PAK1: variants seen among roughly 807,000 people sequenced by gnomAD.
The protein encoded by PAK1 is serine/threonine-protein kinase PAK 1.
PAK1 carries 29 observed loss-of-function variants against 67.4 expected under a neutral mutation model. The observed-to-expected ratio is 0.43, with a 90% CI of 0.32 to 0.59. PAK1 has a LOEUF of 0.59. Ranked by LOEUF, PAK1 falls within the 20% of genes least tolerant of loss-of-function variation. The pLI, the probability that PAK1 is intolerant of heterozygous loss-of-function variation, is 0.07. For missense variants in PAK1, 337 were observed against 670.7 expected (o/e 0.50, Z 5.50); for synonymous variants, 223 against 237.4 (o/e 0.94, Z 0.56).
chr11:77,327,662 A>C (rs1315759416), intron 14 of PAK1, among the ~76,000 whole-genome samples: 1 of 152,232 alleles, frequency 6.6e-6, no homozygotes, highest in African/African-American at 2.4e-5. Flanking sequence ...AACAACCAGT[A>C]CCAGCCACTG....
the PAK1 span, among the ~76,000 whole-genome samples, chr11:77,499,816 C>T: frequency 2.0e-5 from 3 of 152,186 alleles, no homozygotes; most frequent in African/African-American, 7.2e-5. Context: ...CACACATACA[C>T]ACACAGAGCA....
chr11:77,519,479 G>A, the PAK1 span, among the ~76,000 whole-genome samples: 1 of 152,240 alleles, frequency 6.6e-6, no homozygotes, highest in South Asian at 2.1e-4. Flanking sequence ...GGCATCTCAA[G>A]AGGTACATAC....
At chr11:77,414,298 C>T (rs939409533) in intron 1 of PAK1, among the ~76,000 whole-genome samples, 4 of 152,066 alleles carry the variant, frequency 2.6e-5, no homozygotes, top group African/African-American at 9.7e-5. Flanking sequence ...GTGAACAGAA[C>T]CACATCTTCA....
At chr11:77,401,544 A>C (rs1952687408) in intron 1 of PAK1, among the ~76,000 whole-genome samples, 1 of 152,178 alleles carries the variant, frequency 6.6e-6, no homozygotes, top group Non-Finnish European at 1.5e-5. Flanking sequence ...TGTTCAACAA[A>C]TATTTGTTCT....
intron 2 of PAK1, among the ~76,000 whole-genome samples, chr11:77,382,072 T>A (rs1413808387): frequency 6.6e-6 from 1 of 152,226 alleles, no homozygotes; most frequent in African/African-American, 2.4e-5. Context: ...AGTACAATTA[T>A]ATTTGTGTTT....
intron 1 of PAK1, among the ~76,000 whole-genome samples, chr11:77,462,769 T>C (rs1431947813): frequency 6.6e-6 from 1 of 150,732 alleles, no homozygotes; most frequent in African/African-American, 2.4e-5. Context: ...AAGGAAGAGG[T>C]TGCAGTGAGC....
chr11:77,340,556 C>T (rs1195558626), intron 11 of PAK1, 90 bp downstream of exon 11: 1 of 758,936 alleles, frequency 1.3e-6, no homozygotes, highest in Non-Finnish European at 2.5e-6. Context: ...TCCACAGAGC[C>T]CAGGCTGAGA....
chr11:77,480,777 G>C, the PAK1 span, among the ~76,000 whole-genome samples: 50,918 of 151,958 alleles, frequency 0.34, 8,781 homozygotes, highest in Admixed American at 0.46. Flanking sequence ...ACCTGCCTCA[G>C]CCTCCCAAAG....
At chr11:77,386,512 T>G (rs1245586039) in intron 2 of PAK1, among the ~76,000 whole-genome samples, 1 of 152,144 alleles carries the variant, frequency 6.6e-6, no homozygotes, top group Non-Finnish European at 1.5e-5. Context: ...CAGCATCACC[T>G]ATTACAGGCC....
intron 1 of PAK1, among the ~76,000 whole-genome samples, chr11:77,394,429 C>A (rs886166539): frequency 6.6e-6 from 1 of 151,600 alleles, no homozygotes; most frequent in African/African-American, 2.4e-5. Context: ...TGAATAAAAT[C>A]TATAGGAGTT....
upstream of PAK1, chr11:77,476,754 G>A (rs1481924034): frequency 1.3e-5 from 2 of 152,244 alleles, no homozygotes; most frequent in Non-Finnish European, 2.9e-5. Context: ...GGAGGCCGAG[G>A]CGGGTGTATC....
At chr11:77,490,235 G>T in the PAK1 span, among the ~76,000 whole-genome samples, 2 of 151,982 alleles carry the variant, frequency 1.3e-5, no homozygotes, top group African/African-American at 2.4e-5. Context: ...TGTCTGGGAA[G>T]TGAGGAGCGT....
chr11:77,493,943 C>T, the PAK1 span, among the ~76,000 whole-genome samples: 2 of 152,240 alleles, frequency 1.3e-5, no homozygotes, highest in Middle Eastern at 3.4e-3. Context: ...AGAATATTCA[C>T]TCAACAAACA....
At chr11:77,375,873 T>C (rs1949021225) in intron 4 of PAK1, among the ~76,000 whole-genome samples, 1 of 152,098 alleles carries the variant, frequency 6.6e-6, no homozygotes, top group African/African-American at 2.4e-5. Context: ...GAATGTACAA[T>C]TCCAATTCCA....
chr11:77,346,393 A>G (rs1944428513), intron 9 of PAK1, among the ~76,000 whole-genome samples: 3 of 152,200 alleles, frequency 2.0e-5, no homozygotes, highest in Admixed American at 2.0e-4. Flanking sequence ...TTGAACTCTG[A>G]GGACTTAAGC....
At chr11:77,494,846 C>A in the PAK1 span, among the ~76,000 whole-genome samples, 1 of 151,936 alleles carries the variant, frequency 6.6e-6, no homozygotes, top group Admixed American at 6.6e-5. Flanking sequence ...ATAGTGAGAC[C>A]CCCATCTATA....
At chr11:77,355,387 A>C (rs1945872287) in intron 7 of PAK1, among the ~76,000 whole-genome samples, 1 of 152,146 alleles carries the variant, frequency 6.6e-6, no homozygotes, top group Non-Finnish European at 1.5e-5. Context: ...CATTAGAGAA[A>C]AACTATTTGT....
At chr11:77,425,234 A>T (rs893741742) in intron 1 of PAK1, among the ~76,000 whole-genome samples, 3 of 150,684 alleles carry the variant, frequency 2.0e-5, no homozygotes, top group Non-Finnish European at 3.0e-5. Flanking sequence ...CATTTTAAGG[A>T]CTCCTGGATT....
chr11:77,456,803 G>A (rs1447736141), intron 1 of PAK1, among the ~76,000 whole-genome samples: 3 of 151,570 alleles, frequency 2.0e-5, no homozygotes, highest in African/African-American at 4.9e-5. Flanking sequence ...GTGCAGTGGC[G>A]TAATCTCAGC....
Sources: allele counts gnomAD v4.1 joint callset (sites outside exome capture counted in the v4.1 genomes callset), GRCh38; gene constraint gnomAD v4.1.1; transcripts MANE v1.5; gene names NCBI Gene and HGNC (gene_info 2026-07-23, HGNC 2026-07-21).